Variants in BHMT observed in about 807,000 individuals in gnomAD.
BHMT encodes betaine--homocysteine S-methyltransferase 1.
In BHMT, 38 loss-of-function variants were observed where a neutral mutation model predicts 49.5. That is an observed-to-expected ratio of 0.77 (90% CI 0.59 to 1.01). The LOEUF is 1.01. Among genes scored for constraint, BHMT ranks in the 50% least tolerant of loss-of-function variants. The probability of loss-of-function intolerance (pLI) is 0.00; values close to 1 mark genes in which losing one functional copy is unlikely to be tolerated. For missense variants in BHMT, 426 were observed against 495.7 expected, an observed-to-expected ratio of 0.86 and a Z score of 1.34; for synonymous variants, 166 against 176.3, an observed-to-expected ratio of 0.94 and a Z score of 0.46.
intron 7 of BHMT, among the ~76,000 whole-genome samples, chr5:79,128,529 TA>T (rs67257787): frequency 2.1e-3 from 299 of 140,106 alleles, no homozygotes; most frequent in African/African-American, 4.2e-3. Context: ...GACCCTGTTT[TA>T]AAAAAAAAAA....
chr5:79,119,214 G>A lies in BHMT; in HGVS notation c.167-45G>A, dbSNP rs370122161. On this transcript the variant is annotated intron_variant, in intron 2 of 7. Coordinates refer to ENST00000274353, the MANE Select transcript of BHMT (RefSeq NM_001713.3). ...TCTGAGAGCCATTTGAAAATATCGT[G>A]TGTTAATAAACAGAAATTATACCTT... 3.8e-5 allele frequency: 54 copies of A among 1,403,698 alleles called. No homozygotes were observed. The African/African-American group carries it at 7.8e-4, about 20-fold the overall frequency. 87.0% of individuals were successfully genotyped at this position (1,403,698 alleles called of 1,614,324 possible). A position where few individuals can be genotyped will look rare whatever the true frequency, so the allele number is the denominator to read the frequency against.
chr5:79,118,470 AAAC>A (rs1360147380), intron 2 of BHMT, among the ~76,000 whole-genome samples: 2 of 146,628 alleles, frequency 1.4e-5, no homozygotes, highest in Non-Finnish European at 3.0e-5. Flanking sequence ...CCATCTCAAA[AAAC>A]AAACAAACAA....
chr5:79,126,649 C>A (rs1756557287), intron 6 of BHMT, among the ~76,000 whole-genome samples: 1 of 152,100 alleles, frequency 6.6e-6, no homozygotes, highest in South Asian at 2.1e-4. Context: ...AAGATCAGAC[C>A]AGTTATCTCT....
chr5:79,122,340 A>G (rs1756485503), intron 5 of BHMT, among the ~76,000 whole-genome samples: 1 of 152,138 alleles, frequency 6.6e-6, no homozygotes, highest in South Asian at 2.1e-4. Context: ...GCTACTTCCT[A>G]ACTTAATTGA....
At chr5:79,120,578 C>T (rs1756452610) in intron 4 of BHMT, 37 bp downstream of exon 4, 1 of 1,560,742 alleles carries the variant, frequency 6.4e-7, no homozygotes, top group Admixed American at 1.9e-5. Context: ...GACAAATACA[C>T]CTAGTACATT....
chr5:79,126,223 C>A lies in BHMT; in HGVS notation c.803C>A (p.Pro268Gln). The A allele has an allele frequency of 6.2e-7, 1 of 1,613,620 alleles. No individual in the cohort carries two copies. The highest frequency in any genetic ancestry group is 1.1e-5 in the South Asian group (1 of 91,000). Residue 268 changes from proline (P) to glutamine (Q), a missense_variant, in exon 6 of 8, where the codon CCA becomes CAA. Pro to Gln is a moderately conservative substitution (Grantham distance 76). This residue lies in a region of BHMT where 321 missense variants were observed against 355.9 expected (regional missense o/e 0.90). Coordinates refer to ENST00000274353, the MANE Select transcript of BHMT (RefSeq NM_001713.3). ...GGATTCATCGATCTCCCAGAATTCC[C>A]ATTTGGTAAGACCAACATTTGATGA... ...KQGFIDLPEFPFGLEPRVATR... is the reference protein window; with the variant it reads ...KQGFIDLPEFQFGLEPRVATR...
rs76082381 is a variant in BHMT, at chr5:79,123,220, G to A, written c.625+1855G>A. On this transcript the variant is annotated intron_variant, in intron 5 of 7. Transcript: ENST00000274353. Reference sequence around the variant, plus strand: ...AGCAGCTGCTGGATTTGGCAAGGTTGAGGTCATTGGTAACCTTAACAAAAG... The same window carrying A: ...AGCAGCTGCTGGATTTGGCAAGGTTAAGGTCATTGGTAACCTTAACAAAAG... 9.0e-3 allele frequency among the ~76,000 whole-genome samples: 1,371 copies of A among 152,262 alleles called. 93 individuals carry two copies. In the East Asian group the frequency reaches 0.17, roughly 19 times the overall value.
chr5:79,117,475 G>A (rs1321870027), intron 2 of BHMT, among the ~76,000 whole-genome samples: 1 of 152,032 alleles, frequency 6.6e-6, no homozygotes, highest in Non-Finnish European at 1.5e-5. Context: ...ATGCTTTTGA[G>A]GTCCCACTGA....
intron 7 of BHMT, among the ~76,000 whole-genome samples, chr5:79,129,702 C>T (rs1474185067): frequency 6.6e-6 from 1 of 152,030 alleles, no homozygotes; most frequent in East Asian, 1.9e-4. Context: ...AATAGAAGGG[C>T]AGAAGTGGAG....
chr5:79,126,137 A>G lies in BHMT; in HGVS notation c.717A>G (p.Arg239=), dbSNP rs1580274216. Residue 239 remains arginine (R), a synonymous_variant, in exon 6 of 8, where the codon CGA becomes CGG. Coordinates refer to ENST00000274353, the MANE Select transcript of BHMT (RefSeq NM_001713.3). ...TGAAGGAGGGCTTGGAGGCTGCCCG[A>G]CTGAAAGCTCACCTGATGAGCCAGC... The part of the protein sequence containing the change: ...KLMKEGLEAA[R]LKAHLMSQPL... The G allele has an allele frequency of 6.2e-7, 1 of 1,613,622 alleles. No individual in the cohort carries two copies. Among genetic ancestry groups the G allele is most frequent in the Admixed American group, 1.7e-5 (1 of 60,012 alleles).
Position 79,117,452 on chromosome 5 carries a change from C to T in BHMT, c.166+1553C>T, listed in dbSNP as rs373010202. Among the ~76,000 whole-genome samples the T allele has an allele frequency of 2.1e-4, 32 of 152,080 alleles. No individual in the cohort carries two copies. The East Asian group carries it at 2.3e-3, about 11-fold the overall frequency. ...TATTAATTAAAACAAGTTTGAAGCCCGCTAATTTAGGGATGCTTTTGAGGT... is the reference window on the plus strand; with the variant it reads ...TATTAATTAAAACAAGTTTGAAGCCTGCTAATTTAGGGATGCTTTTGAGGT... On this transcript the variant is annotated intron_variant, in intron 2 of 7. Coordinates refer to ENST00000274353, the MANE Select transcript of BHMT (RefSeq NM_001713.3).
intron 1 of BHMT, 111 bp downstream of exon 1, chr5:79,112,029 T>C (rs1244599149): frequency 3.3e-6 from 4 of 1,213,460 alleles, no homozygotes; most frequent in South Asian, 3.2e-5. Flanking sequence ...CCCATCATCC[T>C]CCTACTCCCT....
At chr5:79,115,632 A>T in intron 1 of BHMT, 135 bp from the exon 2 acceptor site, 2 of 994,684 alleles carry the variant, frequency 2.0e-6, no homozygotes, top group Non-Finnish European at 2.8e-6. Context: ...AAATGTATAT[A>T]TAAAATATAC....
chr5:79,112,019 C>A, intron 1 of BHMT, 101 bp downstream of exon 1: 1 of 1,307,508 alleles, frequency 7.6e-7, no homozygotes, highest in Non-Finnish European at 1.0e-6. Context: ...CTGCCTGGTA[C>A]CCATCATCCT....
At chr5:79,130,537 T>G (rs2112734302) in intron 7 of BHMT, among the ~76,000 whole-genome samples, 1 of 151,922 alleles carries the variant, frequency 6.6e-6, no homozygotes, top group East Asian at 2.0e-4. Context: ...AGACAAAGCC[T>G]GTTGCTGATG....
chr5:79,128,393 A>G (rs1756586418), intron 7 of BHMT, among the ~76,000 whole-genome samples: 2 of 151,338 alleles, frequency 1.3e-5, no homozygotes, highest in African/African-American at 2.4e-5. Flanking sequence ...AGCTGGGCAT[A>G]GTGGTGCATG....
At chr5:79,125,333 A>G (rs1322935812) in intron 5 of BHMT, among the ~76,000 whole-genome samples, 2 of 151,698 alleles carry the variant, frequency 1.3e-5, no homozygotes, top group African/African-American at 4.8e-5. Context: ...GTGTGCGCCT[A>G]TAGTCCCAGC....
chr5:79,114,530 T>C (rs756955682), intron 1 of BHMT, among the ~76,000 whole-genome samples: 2 of 152,238 alleles, frequency 1.3e-5, no homozygotes, highest in Non-Finnish European at 2.9e-5. Flanking sequence ...CACAGATTTC[T>C]GGAATCTTGT....
At chr5:79,119,089 A>C (rs1486432318) in intron 2 of BHMT, among the ~76,000 whole-genome samples, 170 bp from the exon 3 acceptor site, 1 of 152,226 alleles carries the variant, frequency 6.6e-6, no homozygotes, top group African/African-American at 2.4e-5. Context: ...GCAGGTTCAC[A>C]GGAGTTTCCA....
Sources: gnomAD v4.1 joint callset for allele counts (sites outside exome capture counted in the v4.1 genomes callset) on GRCh38, gnomAD v4.1.1 for gene constraint, gnomAD v4.1.1 regional missense constraint, MANE v1.5 for transcripts, NCBI Gene and HGNC (gene_info 2026-07-23, HGNC 2026-07-21) for gene names.